ACADL: variants seen among roughly 807,000 people sequenced by gnomAD.
ACADL encodes the protein acyl-CoA dehydrogenase long chain.
ACADL carries 60 observed loss-of-function variants against 56.9 expected under a neutral mutation model. The observed-to-expected ratio is 1.05, with a 90% CI of 0.86 to 1.31. The LOEUF (loss-of-function observed/expected upper bound fraction) is 1.31, where lower values mean the gene tolerates loss of function less well. Ranked by LOEUF, ACADL falls within the 50% of genes most tolerant of loss-of-function variation. ACADL has a pLI of 0.00. For missense variants in ACADL, 484 were observed against 525.5 expected (o/e 0.92, Z 0.77); for synonymous variants, 158 against 179.7 (o/e 0.88, Z 0.97).
intron 9 of ACADL, among the ~76,000 whole-genome samples, 189 bp from the exon 10 acceptor site, chr2:210,193,079 A>G (rs983368448): frequency 1.3e-5 from 2 of 152,264 alleles, no homozygotes; most frequent in African/African-American, 2.4e-5. Context: ...GAATTTTCAT[A>G]TAAGAGTACC....
chr2:210,206,602 G>C (rs1688891988), intron 5 of ACADL, among the ~76,000 whole-genome samples: 1 of 151,956 alleles, frequency 6.6e-6, no homozygotes, highest in South Asian at 2.1e-4. Context: ...CTATGATTAA[G>C]GAGGGAAAAA....
intron 5 of ACADL, chr2:210,209,556 G>A (rs1379134221): frequency 6.8e-6 from 1 of 146,738 alleles, no homozygotes; most frequent in Non-Finnish European, 1.5e-5. Flanking sequence ...TTTTTTCTTT[G>A]AGAGGGGGTC....
chr2:210,203,124 C>T (rs560309041), intron 8 of ACADL, among the ~76,000 whole-genome samples: 12 of 152,298 alleles, frequency 7.9e-5, no homozygotes, highest in Non-Finnish European at 1.8e-4. Flanking sequence ...ATGAATTCTA[C>T]CTTTAAATCT....
chr2:210,194,333 C>T (rs1575671038), intron 9 of ACADL, among the ~76,000 whole-genome samples: 1 of 152,126 alleles, frequency 6.6e-6, no homozygotes, highest in East Asian at 1.9e-4. Flanking sequence ...AAATATTTCC[C>T]CTGTTCTACC....
At chr2:210,224,869 C>T in intron 1 of ACADL, 1 of 1,100,418 alleles carries the variant, frequency 9.1e-7, no homozygotes, top group East Asian at 6.0e-5. Context: ...GGTCCCACTG[C>T]AGGCCGCTGA....
At chr2:210,199,203 A>G (rs1688756548) in intron 8 of ACADL, among the ~76,000 whole-genome samples, 1 of 152,156 alleles carries the variant, frequency 6.6e-6, no homozygotes, top group Non-Finnish European at 1.5e-5. Flanking sequence ...ATCTCTGAAT[A>G]TACTCCTAGC....
At chr2:210,200,569 A>C (rs1688775805) in intron 8 of ACADL, among the ~76,000 whole-genome samples, 1 of 152,198 alleles carries the variant, frequency 6.6e-6, no homozygotes, top group Non-Finnish European at 1.5e-5. Context: ...CTTGCTCTTA[A>C]GGAAATCAGA....
chr2:210,225,286 G>A lies in ACADL; in HGVS notation c.-23C>T. 1.9e-6 allele frequency: 3 copies of A among 1,542,872 alleles called. No individual in the cohort carries two copies. Among genetic ancestry groups the A allele is most frequent in the Non-Finnish European group, 2.6e-6 (3 of 1,149,912 alleles). On this transcript the variant is annotated 5_prime_UTR_variant, in exon 1 of 11. Coordinates refer to ENST00000233710, the MANE Select transcript of ACADL (RefSeq NM_001608.4). ...CATGTCCGAAACACAGGGGCGGCGGGGCGACGGAGGCGACTCTGCGGCTAC... is the reference window on the plus strand; with the variant it reads ...CATGTCCGAAACACAGGGGCGGCGGAGCGACGGAGGCGACTCTGCGGCTAC...
intron 1 of ACADL, chr2:210,224,304 A>T (rs1164349031): frequency 2.9e-6 from 2 of 692,956 alleles, no homozygotes; most frequent in Non-Finnish European, 3.5e-6. Context: ...TGTATCCTAA[A>T]GAAAAGTCAC....
chr2:210,219,699 T>G (rs1317195027), intron 2 of ACADL, among the ~76,000 whole-genome samples: 1 of 152,104 alleles, frequency 6.6e-6, no homozygotes, highest in Admixed American at 6.6e-5. Context: ...CAACTTACAA[T>G]TTTTTTACTT....
At chr2:210,213,978 T>C (rs1689030764) in intron 4 of ACADL, among the ~76,000 whole-genome samples, 1 of 152,040 alleles carries the variant, frequency 6.6e-6, no homozygotes, top group African/African-American at 2.4e-5. Flanking sequence ...TCCATGAGTT[T>C]CAGACCAGCC....
intron 5 of ACADL, 44 bp downstream of exon 5, chr2:210,210,152 C>G (rs1688954744): frequency 7.2e-7 from 1 of 1,391,942 alleles, no homozygotes. Flanking sequence ...TTACCCATGG[C>G]ATGACTCTGA....
At chr2:210,190,586 C>G (rs1225250525) in intron 10 of ACADL, among the ~76,000 whole-genome samples, 2 of 152,102 alleles carry the variant, frequency 1.3e-5, no homozygotes, top group Non-Finnish European at 2.9e-5. Flanking sequence ...GCAGCTCTTC[C>G]CAGCATGGCA....
chr2:210,215,529 G>A (rs1403444329), intron 4 of ACADL, among the ~76,000 whole-genome samples: 1 of 151,974 alleles, frequency 6.6e-6, no homozygotes, highest in East Asian at 1.9e-4. Context: ...GAAATATAAT[G>A]CCCAGATTTT....
intron 2 of ACADL, chr2:210,218,634 T>G (rs1051184089): frequency 3.9e-5 from 6 of 154,944 alleles, no homozygotes; most frequent in African/African-American, 1.2e-4. Flanking sequence ...TCTTGACTAT[T>G]TATTGGACTT....
intron 4 of ACADL, among the ~76,000 whole-genome samples, chr2:210,211,404 T>C (rs1012812253): frequency 3.3e-5 from 5 of 152,194 alleles, no homozygotes; most frequent in Admixed American, 2.0e-4. Context: ...TTGTCTTCTT[T>C]ATGTGGGTGA....
intron 4 of ACADL, among the ~76,000 whole-genome samples, chr2:210,212,940 G>A (rs1348506322): frequency 1.3e-5 from 2 of 152,318 alleles, no homozygotes; most frequent in South Asian, 2.1e-4. Flanking sequence ...GATTTCAGGA[G>A]AGTTCCCACC....
rs772452036 is a variant in ACADL at position 210,204,600 on chromosome 2, A to T, written c.851T>A (p.Ile284Asn). Residue 284 changes from isoleucine to asparagine, a missense_variant, in exon 7 of 11, where the codon ATC becomes AAC. Physicochemically the swap from Ile to Asn is moderately radical, Grantham distance 149. Transcript: ENST00000233710. ...TCTGACCTGTGGAAGCTCTTTCATG[A>T]TGTAATAGAAGCCTTTATTCTCTTC... is the stretch of plus-strand genomic sequence containing the variant. ...LGEENKGFYY[I>N]MKELPQERLL... The T allele has an allele frequency of 1.9e-6, 3 of 1,608,420 alleles. No homozygotes were observed. Among genetic ancestry groups the T allele is most frequent in the Admixed American group, 1.7e-5 (1 of 59,972 alleles).
intron 6 of ACADL, among the ~76,000 whole-genome samples, 176 bp from the exon 7 acceptor site, chr2:210,204,858 C>T (rs1688858165): frequency 1.3e-5 from 2 of 152,138 alleles, no homozygotes; most frequent in African/African-American, 2.4e-5. Flanking sequence ...GAACCCACAG[C>T]CATCTGATTC....
Sources: gnomAD v4.1 joint callset for allele counts (sites outside exome capture counted in the v4.1 genomes callset) on GRCh38, gnomAD v4.1.1 for gene constraint, MANE v1.5 for transcripts, NCBI Gene and HGNC (gene_info 2026-07-23, HGNC 2026-07-21) for gene names.